MILR1: variants seen among roughly 807,000 people sequenced by gnomAD.
MILR1 encodes the protein mast cell immunoglobulin like receptor 1.
In MILR1, 31 loss-of-function variants were observed where a neutral mutation model predicts 18.5. That is an observed-to-expected ratio of 1.68 (90% CI 1.26 to 2.26). MILR1 has a LOEUF of 2.26. Ranked by LOEUF, MILR1 falls within the 30% of genes most tolerant of loss-of-function variation. The pLI is 0.00. For missense variants in MILR1, 257 were observed against 157.4 expected, an observed-to-expected ratio of 1.63 and a Z score of -3.38; for synonymous variants, 85 against 56.2, an observed-to-expected ratio of 1.51 and a Z score of -2.30.
chr17:64,469,230 A>C (rs533470028), downstream of MILR1, among the ~76,000 whole-genome samples: 133 of 152,346 alleles, frequency 8.7e-4, 1 homozygote, highest in African/African-American at 3.1e-3. Flanking sequence ...CTATCATTTT[A>C]ACAAGTACAA....
At chr17:64,450,820 C>A (rs2037153030) in intron 2 of MILR1, among the ~76,000 whole-genome samples, 1 of 152,100 alleles carries the variant, frequency 6.6e-6, no homozygotes, top group Non-Finnish European at 1.5e-5. Context: ...TATTTTAAGA[C>A]TCAGCCATGA....
chr17:64,481,385 G>A, the MILR1 span: 6 of 985,040 alleles, frequency 6.1e-6, no homozygotes, highest in African/African-American at 7.0e-5. Context: ...TTTAGTGTCC[G>A]CATTCAGGTC....
chr17:64,453,770 T>C (rs2144014856), intron 3 of MILR1, among the ~76,000 whole-genome samples: 1 of 152,130 alleles, frequency 6.6e-6, no homozygotes, highest in Non-Finnish European at 1.5e-5. Context: ...TGGACTCCTG[T>C]GGGAGGAGAG....
chr17:64,450,149 A>C (rs2037135811), intron 2 of MILR1, among the ~76,000 whole-genome samples: 1 of 152,112 alleles, frequency 6.6e-6, no homozygotes, highest in East Asian at 1.9e-4. Context: ...ATCGTTAGCC[A>C]GGATGGTCTC....
downstream of MILR1, among the ~76,000 whole-genome samples, chr17:64,468,822 C>T (rs8064828): frequency 4.6e-5 from 7 of 151,992 alleles, no homozygotes; most frequent in Non-Finnish European, 8.8e-5. Flanking sequence ...CGGTGGCTCA[C>T]GCCTATAATC....
chr17:64,489,222 A>C, the MILR1 span, among the ~76,000 whole-genome samples: 30 of 151,890 alleles, frequency 2.0e-4, 1 homozygote, highest in South Asian at 1.0e-3. Context: ...AAAATAAATA[A>C]TGACAGTAAC....
At chr17:64,477,064 T>C in the MILR1 span, among the ~76,000 whole-genome samples, 1 of 152,186 alleles carries the variant, frequency 6.6e-6, no homozygotes, top group South Asian at 2.1e-4. Flanking sequence ...TATATTTTAG[T>C]TGCTTTTCAA....
the MILR1 span, chr17:64,477,752 G>C: frequency 1.4e-6 from 2 of 1,436,404 alleles, no homozygotes; most frequent in South Asian, 1.4e-5. Flanking sequence ...AAAGGGGCTA[G>C]AAATAAATCT....
intron 4 of MILR1, among the ~76,000 whole-genome samples, chr17:64,459,830 T>C (rs2037382383): frequency 1.3e-5 from 2 of 152,212 alleles, no homozygotes; most frequent in African/African-American, 2.4e-5. Context: ...CTCAGGGCCT[T>C]GCCCAGTAAA....
intron 3 of MILR1, among the ~76,000 whole-genome samples, chr17:64,453,353 G>A (rs1237120922): frequency 1.3e-5 from 2 of 152,070 alleles, no homozygotes; most frequent in Admixed American, 1.3e-4. Flanking sequence ...ACAGATGTAA[G>A]CCACCATGCC....
the MILR1 span, chr17:64,497,026 C>CA: frequency 6.6e-7 from 1 of 1,512,176 alleles, no homozygotes; most frequent in Non-Finnish European, 9.1e-7. Context: ...CAACAAGCCA[C>CA]CACTACCGTT....
intron 9 of MILR1, chr17:64,467,935 CAAAA>C (rs112297771): frequency 8.8e-4 from 140 of 158,934 alleles, no homozygotes; most frequent in Admixed American, 1.7e-3. Context: ...GACTTCATCT[CAAAA>C]AAAAAAAAAA....
chr17:64,460,986 A>C lies in MILR1; in HGVS notation c.763+54A>C, dbSNP rs1349484979. 3 of 468,056 alleles carry C rather than the reference A, an allele frequency of 6.4e-6. No homozygotes were observed. The East Asian group carries it at 9.5e-5, about 15-fold the overall frequency. 29.0% of individuals were successfully genotyped at this position (468,056 alleles called of 1,614,324 possible). A position where few individuals can be genotyped will look rare whatever the true frequency, so the allele number is the denominator to read the frequency against. On this transcript the variant is annotated intron_variant, in intron 5 of 9. Coordinates refer to ENST00000619286, the MANE Select transcript of MILR1 (RefSeq NM_001085423.2). ...GTTTTCCCGTGGGCTTGGGATACAG[A>C]CAGCAGGACAGAGGGTGAGGAGAAA...
the MILR1 span, among the ~76,000 whole-genome samples, chr17:64,482,167 G>A: frequency 3.8e-4 from 48 of 127,918 alleles, no homozygotes; most frequent in Non-Finnish European, 5.6e-4. Flanking sequence ...GCAGTGCTGC[G>A]ATCTCGGCTC....
chr17:64,467,813 T>C (rs1313409205), intron 9 of MILR1, 168 bp downstream of exon 9: 4 of 467,664 alleles, frequency 8.6e-6, no homozygotes, highest in Non-Finnish European at 1.2e-5. Flanking sequence ...TGTGTGTGTG[T>C]AGTCCCAGCT....
chr17:64,480,292 G>A, the MILR1 span: 5 of 1,485,658 alleles, frequency 3.4e-6, no homozygotes, highest in East Asian at 2.3e-5. Flanking sequence ...TTCTTACTTC[G>A]AATAAAGTTG....
the MILR1 span, chr17:64,485,925 G>A: frequency 6.3e-7 from 1 of 1,576,574 alleles, no homozygotes. Flanking sequence ...TTGTTTGTTT[G>A]TTTTTGAGAC....
intron 2 of MILR1, among the ~76,000 whole-genome samples, chr17:64,450,301 C>A (rs2037140396): frequency 6.6e-6 from 1 of 152,102 alleles, no homozygotes; most frequent in Non-Finnish European, 1.5e-5. Context: ...TCAAATGAGA[C>A]AATCCCTGCT....
chr17:64,486,418 T>C, the MILR1 span, among the ~76,000 whole-genome samples: 1,094 of 151,580 alleles, frequency 7.2e-3, 13 homozygotes, highest in African/African-American at 0.025. Context: ...TGGAGTGCAA[T>C]GGCATGATCT....
Sources: allele counts gnomAD v4.1 joint callset (sites outside exome capture counted in the v4.1 genomes callset), GRCh38; gene constraint gnomAD v4.1.1; transcripts MANE v1.5; gene names NCBI Gene and HGNC (gene_info 2026-07-23, HGNC 2026-07-21).